Variants in QTGAL observed in about 807,000 individuals in gnomAD.
QTGAL encodes queuosine-tRNA galactosyltransferase, also known as BGnT-like protein 1.
the QTGAL span, among the ~76,000 whole-genome samples, chr17:82,983,413 C>G: frequency 6.6e-6 from 1 of 152,176 alleles, no homozygotes; most frequent in Admixed American, 6.5e-5. Flanking sequence ...TTCATGCACA[C>G]TTCGCCAGAA....
At chr17:83,013,693 G>A in the QTGAL span, among the ~76,000 whole-genome samples, 15 of 151,996 alleles carry the variant, frequency 9.9e-5, no homozygotes, top group Non-Finnish European at 1.5e-4. Context: ...ACGTGCCCAC[G>A]ACGCACAGCC....
chr17:82,989,496 A>T, the QTGAL span, among the ~76,000 whole-genome samples: 1 of 9,596 alleles, frequency 1.0e-4, no homozygotes, highest in Non-Finnish European at 1.8e-4. Flanking sequence ...TTCTGGAACT[A>T]AAAAAAAAAA....
chr17:83,006,998 G>T, the QTGAL span: 1 of 391,276 alleles, frequency 2.6e-6, no homozygotes, highest in Non-Finnish European at 3.5e-6. This position sits in a 1 kb window ranked among gnomAD's most constrained non-coding sequence, Gnocchi z 5.8. Flanking sequence ...TGGGTGTCTC[G>T]GTTTTCATTC....
chr17:83,008,844 C>T, the QTGAL span, among the ~76,000 whole-genome samples: 1 of 152,148 alleles, frequency 6.6e-6, no homozygotes, highest in Non-Finnish European at 1.5e-5. Flanking sequence ...TCCAGATGAT[C>T]CCAGCCCGGA....
chr17:82,959,987 G>A, the QTGAL span, among the ~76,000 whole-genome samples: 21 of 152,246 alleles, frequency 1.4e-4, no homozygotes, highest in South Asian at 6.2e-4. Context: ...CCTTAGCACC[G>A]GGAAAGGTGG....
the QTGAL span, among the ~76,000 whole-genome samples, chr17:82,962,407 A>G: frequency 6.6e-6 from 1 of 152,244 alleles, no homozygotes; most frequent in Admixed American, 6.5e-5. Context: ...CCATAAGATA[A>G]AGACAAAGGA....
the QTGAL span, among the ~76,000 whole-genome samples, chr17:83,035,449 G>T: frequency 6.6e-6 from 1 of 152,144 alleles, no homozygotes; most frequent in East Asian, 1.9e-4. Flanking sequence ...GATTACAGAT[G>T]TGAGCCACCG....
the QTGAL span, among the ~76,000 whole-genome samples, chr17:82,952,094 C>T: frequency 2.4e-4 from 36 of 152,336 alleles, no homozygotes; most frequent in Admixed American, 1.9e-3. Flanking sequence ...AAATGAGGTG[C>T]GCCAGTAGTT....
chr17:82,978,309 G>A, the QTGAL span, among the ~76,000 whole-genome samples: 423 of 152,238 alleles, frequency 2.8e-3, 6 homozygotes, highest in Middle Eastern at 0.01. This position sits in a 1 kb window ranked among gnomAD's most constrained non-coding sequence, Gnocchi z 4.8. Flanking sequence ...GCAAAGCCCC[G>A]AGGAAGGTTT....
At chr17:82,965,087 G>A in the QTGAL span, among the ~76,000 whole-genome samples, 2 of 146,756 alleles carry the variant, frequency 1.4e-5, no homozygotes, top group South Asian at 2.1e-4. Flanking sequence ...TGGGGAGGAC[G>A]GGGACACGGA....
the QTGAL span, among the ~76,000 whole-genome samples, chr17:83,029,626 G>A: frequency 2.0e-5 from 3 of 152,234 alleles, no homozygotes; most frequent in East Asian, 3.9e-4. Flanking sequence ...GGGGGAGCCG[G>A]GGAAGCAAAA....
the QTGAL span, among the ~76,000 whole-genome samples, chr17:83,034,874 G>A: frequency 6.6e-6 from 1 of 152,084 alleles, no homozygotes; most frequent in Non-Finnish European, 1.5e-5. Flanking sequence ...ACCCAGTCTC[G>A]GCTATGTCCT....
chr17:83,001,489 G>A, the QTGAL span, among the ~76,000 whole-genome samples: 3 of 151,998 alleles, frequency 2.0e-5, no homozygotes, highest in African/African-American at 7.3e-5. Flanking sequence ...GAAACAGAAA[G>A]TCCCAGGAAG....
At chr17:82,957,174 T>C in the QTGAL span, 1 of 1,614,178 alleles carries the variant, frequency 6.2e-7, no homozygotes, top group Middle Eastern at 1.6e-4. Context: ...CATGCGGCCC[T>C]GCACACCTGA....
chr17:83,030,962 C>T, the QTGAL span: 1 of 152,260 alleles, frequency 6.6e-6, no homozygotes. Flanking sequence ...GCTCTCACAA[C>T]CACCAGACCT....
the QTGAL span, among the ~76,000 whole-genome samples, chr17:82,966,125 C>G: frequency 6.7e-6 from 1 of 149,458 alleles, no homozygotes; most frequent in Non-Finnish European, 1.5e-5. Flanking sequence ...CTCTGTTGCT[C>G]AGGCTGACCT....
the QTGAL span, among the ~76,000 whole-genome samples, chr17:82,973,330 A>T: frequency 6.6e-6 from 1 of 152,246 alleles, no homozygotes; most frequent in Non-Finnish European, 1.5e-5. Context: ...TTCATGATTG[A>T]TAATTGATTA....
At chr17:82,957,069 G>T in the QTGAL span, 2 of 1,442,272 alleles carry the variant, frequency 1.4e-6, no homozygotes, top group African/African-American at 1.4e-5. Context: ...AGGCCCCGAG[G>T]AGCCAGCACG....
the QTGAL span, among the ~76,000 whole-genome samples, chr17:83,043,711 A>G: frequency 1.3e-5 from 2 of 152,212 alleles, no homozygotes; most frequent in Non-Finnish European, 2.9e-5. Context: ...CAAATCAACA[A>G]AAAGAGTTGA....
Sources: gnomAD v4.1 joint callset for allele counts (sites outside exome capture counted in the v4.1 genomes callset) on GRCh38, gnomAD v4.1.1 for gene constraint, Gnocchi (gnomAD v3.1) non-coding constraint, MANE v1.5 for transcripts, NCBI Gene and HGNC (gene_info 2026-07-23, HGNC 2026-07-21) for gene names.